Variants in VSNL1 observed in about 807,000 individuals in gnomAD.
VSNL1 encodes the protein visinin like 1, also known as visinin-like protein 1.
Under a neutral mutation model 20.4 loss-of-function variants are expected in VSNL1, and 6 were observed. That is an observed-to-expected ratio of 0.29 (90% CI 0.16 to 0.58). The LOEUF is 0.58. Among genes scored for constraint, VSNL1 ranks in the 20% least tolerant of loss-of-function variants. VSNL1 has a pLI of 0.90. For synonymous variants in VSNL1, 93 were observed against 86.4 expected (o/e 1.08, Z -0.42); for missense variants, 100 against 234.5 (o/e 0.43, Z 3.75).
chr2:17,639,669 C>T (rs1000237497), intron 2 of VSNL1, among the ~76,000 whole-genome samples: 3 of 152,098 alleles, frequency 2.0e-5, no homozygotes, highest in African/African-American at 4.8e-5. Context: ...AAAATAATAA[C>T]AACAATAATA....
chr2:17,625,500 A>G (rs1403161027), intron 2 of VSNL1, among the ~76,000 whole-genome samples: 3 of 152,232 alleles, frequency 2.0e-5, no homozygotes, highest in African/African-American at 7.2e-5. Flanking sequence ...TCTTGGCAAG[A>G]TTCCCTAAAT....
chr2:17,600,830 G>A (rs184316458), intron 2 of VSNL1, among the ~76,000 whole-genome samples: 25 of 152,316 alleles, frequency 1.6e-4, no homozygotes, highest in African/African-American at 5.5e-4. Flanking sequence ...GAAGACAAGA[G>A]CTGGGGTCTG....
chr2:17,608,531 C>G (rs1453428336), intron 2 of VSNL1, among the ~76,000 whole-genome samples: 1 of 152,156 alleles, frequency 6.6e-6, no homozygotes, highest in African/African-American at 2.4e-5. Context: ...ACCAGACCAA[C>G]CAGGAAGAGT....
chr2:17,599,597 C>G (rs1202278501), intron 2 of VSNL1, among the ~76,000 whole-genome samples: 1 of 152,164 alleles, frequency 6.6e-6, no homozygotes, highest in African/African-American at 2.4e-5. Context: ...TTTCTCACTC[C>G]CTCTTTTCTC....
intron 1 of VSNL1, among the ~76,000 whole-genome samples, chr2:17,556,796 A>G (rs1663689983): frequency 6.6e-6 from 1 of 152,190 alleles, no homozygotes; most frequent in Non-Finnish European, 1.5e-5. Flanking sequence ...ATATATATGC[A>G]TTGCATGAAT....
At position 17,614,018 on chromosome 2, in the gene VSNL1, C is replaced by T. The variant is rs115786394; in HGVS notation, c.162+21782C>T. ...GGAAATGAGCTGAGGGCTGGAAACACGCATGGGGAGGTGGCTGGTCGGAAA... is the reference window on the plus strand; with the variant it reads ...GGAAATGAGCTGAGGGCTGGAAACATGCATGGGGAGGTGGCTGGTCGGAAA... On this transcript the variant is annotated intron_variant, in intron 2 of 3. Coordinates refer to ENST00000295156, the MANE Select transcript of VSNL1 (RefSeq NM_003385.5). 8.3e-3 allele frequency among the ~76,000 whole-genome samples: 1,261 copies of T among 152,242 alleles called. 11 individuals carry two copies. The highest frequency in any genetic ancestry group is 0.032 in the South Asian group (155 of 4,830).
At position 17,592,656 on chromosome 2, in the gene VSNL1, T is replaced by C. The variant is rs1396329534; in HGVS notation, c.162+420T>C. Among the ~76,000 whole-genome samples the C allele has an allele frequency of 4.3e-4, 50 of 117,356 alleles. 1 individual carries two copies. Among genetic ancestry groups the C allele is most frequent in the African/African-American group, 1.4e-3 (43 of 29,816 alleles). The allele number at this position is 117,356 out of a possible 152,430, so 77.0% of individuals were successfully genotyped here. A position where few individuals can be genotyped will look rare whatever the true frequency, so the allele number is the denominator to read the frequency against. On this transcript the variant is annotated intron_variant, in intron 2 of 3. Coordinates refer to ENST00000295156, the MANE Select transcript of VSNL1 (RefSeq NM_003385.5). ...TCTCTCTCTCTTTTTTTTTTTTTTT[T>C]TTTTTTTTTTTTTTTTTTTTTTTAC... is the stretch of plus-strand genomic sequence containing the variant.
At chr2:17,641,193 G>A (rs1453515832) in intron 2 of VSNL1, among the ~76,000 whole-genome samples, 1 of 152,198 alleles carries the variant, frequency 6.6e-6, no homozygotes, top group Non-Finnish European at 1.5e-5. Flanking sequence ...CTTTATTCTG[G>A]AGGAGGTAGG....
intron 2 of VSNL1, among the ~76,000 whole-genome samples, chr2:17,611,188 C>T (rs1315404810): frequency 2.0e-5 from 3 of 152,184 alleles, no homozygotes; most frequent in Admixed American, 2.0e-4. Flanking sequence ...CATACAACAG[C>T]CTTCTGCCCT....
chr2:17,622,601 A>AAAGAAAGG lies in VSNL1; in HGVS notation c.163-26807_163-26806insGAAAGGAA, dbSNP rs1349807130. 5.3e-4 allele frequency among the ~76,000 whole-genome samples: 67 copies of AAAGAAAGG among 126,726 alleles called. 1 individual carries two copies. Among genetic ancestry groups the AAAGAAAGG allele is most frequent in the African/African-American group, 1.7e-3 (63 of 36,876 alleles). 83.1% of individuals were successfully genotyped at this position (126,726 alleles called of 152,430 possible). ...GAAAGAAAGAAAGAAAGAAAGAAAG[A>AAAGAAAGG]AAAGAAAGAAAGATCTTCAATGAAT... On this transcript the variant is annotated intron_variant, in intron 2 of 3. Transcript: ENST00000295156.
intron 2 of VSNL1, among the ~76,000 whole-genome samples, chr2:17,640,397 T>C (rs773152496): frequency 6.6e-6 from 1 of 152,096 alleles, no homozygotes; most frequent in African/African-American, 2.4e-5. Context: ...AAGCTCACAC[T>C]CTCCACCACA....
At chr2:17,633,045 G>T (rs1665671060) in intron 2 of VSNL1, among the ~76,000 whole-genome samples, 1 of 152,196 alleles carries the variant, frequency 6.6e-6, no homozygotes, top group Non-Finnish European at 1.5e-5. Flanking sequence ...ATTTACAAAT[G>T]AAAGAGGTTT....
At chr2:17,605,521 G>A (rs948659335) in intron 2 of VSNL1, among the ~76,000 whole-genome samples, 45 of 152,202 alleles carry the variant, frequency 3.0e-4, no homozygotes, top group African/African-American at 1.0e-3. Context: ...GAGCCCCTCC[G>A]CAGCAGCTGG....
At chr2:17,593,735 G>A (rs1664648701) in intron 2 of VSNL1, among the ~76,000 whole-genome samples, 1 of 152,170 alleles carries the variant, frequency 6.6e-6, no homozygotes, top group Admixed American at 6.5e-5. Flanking sequence ...CTTTTCTATA[G>A]AAGTGCTGAG....
At chr2:17,563,120 A>G (rs1376144990) in intron 1 of VSNL1, among the ~76,000 whole-genome samples, 2 of 152,244 alleles carry the variant, frequency 1.3e-5, no homozygotes, top group Admixed American at 1.3e-4. Flanking sequence ...TGCTCAATAT[A>G]TTTGACAAGA....
Position 17,638,562 on chromosome 2 carries a change from G to A in VSNL1, c.163-10848G>A, listed in dbSNP as rs146019323. ...ATTGGAACCTGGACTCATGCACACT[G>A]AGCCTGCTCCTCCTTCCCACGCCCT... On this transcript the variant is annotated intron_variant, in intron 2 of 3. Coordinates refer to ENST00000295156, the MANE Select transcript of VSNL1 (RefSeq NM_003385.5). Among the ~76,000 whole-genome samples the A allele has an allele frequency of 4.2e-3, 644 of 152,284 alleles. 7 individuals are homozygous for A. Among genetic ancestry groups the A allele is most frequent in the African/African-American group, 0.014 (600 of 41,556 alleles).
chr2:17,616,772 C>G (rs886470010), intron 2 of VSNL1, among the ~76,000 whole-genome samples: 2 of 152,204 alleles, frequency 1.3e-5, no homozygotes, highest in Non-Finnish European at 2.9e-5. Context: ...TGCCCAGTGG[C>G]AGAATTTCAG....
At chr2:17,625,260 C>T (rs560662512) in intron 2 of VSNL1, among the ~76,000 whole-genome samples, 12 of 152,258 alleles carry the variant, frequency 7.9e-5, no homozygotes, top group African/African-American at 1.7e-4. Context: ...TGCCCAGTCT[C>T]GAGTATGTCT....
At chr2:17,557,492 C>T (rs555962952) in intron 1 of VSNL1, among the ~76,000 whole-genome samples, 8 of 152,118 alleles carry the variant, frequency 5.3e-5, no homozygotes, top group East Asian at 3.9e-4. Flanking sequence ...GTGCTATAGA[C>T]GAAAATAGTA....
Sources: allele counts gnomAD v4.1 joint callset (sites outside exome capture counted in the v4.1 genomes callset), GRCh38; gene constraint gnomAD v4.1.1; transcripts MANE v1.5; gene names NCBI Gene and HGNC (gene_info 2026-07-23, HGNC 2026-07-21).